DHRSX: variants seen among roughly 807,000 people sequenced by gnomAD.
DHRSX encodes dehydrogenase/reductase X-linked.
DHRSX carries 31 observed loss-of-function variants against 34.0 expected under a neutral mutation model. That is an observed-to-expected ratio of 0.91 (90% confidence interval 0.69 to 1.23). The LOEUF is 1.23. Among genes scored for constraint, DHRSX ranks in the 50% most tolerant of loss-of-function variants. DHRSX has a pLI of 0.00. For synonymous variants in DHRSX, 201 were observed against 183.8 expected, an observed-to-expected ratio of 1.09 and a Z score of -0.76; for missense variants, 414 against 428.1, an observed-to-expected ratio of 0.97 and a Z score of 0.29.
At chrX:2,480,541 G>A (rs1030612434) in intron 1 of DHRSX, among the ~76,000 whole-genome samples, 15 of 151,498 alleles carry the variant, frequency 9.9e-5, no homozygotes, top group Admixed American at 3.3e-4. Context: ...AAATTAGCTG[G>A]GTATGGTAGC....
intron 4 of DHRSX, among the ~76,000 whole-genome samples, chrX:2,268,142 G>A (rs992421392): frequency 6.6e-5 from 10 of 152,168 alleles, no homozygotes; most frequent in East Asian, 5.8e-4. Context: ...TGCTTGACAT[G>A]TTCTATCTAC....
chrX:2,454,148 C>T (rs924277794), intron 1 of DHRSX, among the ~76,000 whole-genome samples: 1 of 152,096 alleles, frequency 6.6e-6, no homozygotes, highest in Non-Finnish European at 1.5e-5. Context: ...AACAGTGTCT[C>T]CTCTTAATTC....
At chrX:2,421,355 G>A (rs2043777113) in intron 2 of DHRSX, among the ~76,000 whole-genome samples, 1 of 152,200 alleles carries the variant, frequency 6.6e-6, no homozygotes, top group South Asian at 2.1e-4. Context: ...ACTCCAGCCT[G>A]GGTGACAGAG....
intron 3 of DHRSX, among the ~76,000 whole-genome samples, chrX:2,342,916 T>C (rs1219628158): frequency 6.6e-6 from 1 of 152,172 alleles, no homozygotes; most frequent in Non-Finnish European, 1.5e-5. Flanking sequence ...AAAATCAATA[T>C]GATAACGGTC....
rs1569478881 is a variant in DHRSX at position 2,243,800 on chromosome X, T to TTTTTTTG, written c.597-571_597-570insCAAAAAA. 4.9e-3 allele frequency among the ~76,000 whole-genome samples: 395 copies of TTTTTTTG among 80,612 alleles called. 5 individuals are homozygous for TTTTTTTG. The highest frequency in any genetic ancestry group is 0.017 in the African/African-American group (383 of 21,904). 52.9% of individuals were successfully genotyped at this position (80,612 alleles called of 152,430 possible). ...CACTATGCTCCCTGTTTTTTTTTTT[T>TTTTTTTG]TTTTTTTTTTTTTTTTTTTTTTGAG... On this transcript the variant is annotated intron_variant, in intron 5 of 6. Transcript: ENST00000334651.
At chrX:2,416,674 T>C (rs1344347311) in intron 2 of DHRSX, among the ~76,000 whole-genome samples, 1 of 152,086 alleles carries the variant, frequency 6.6e-6, no homozygotes, top group Admixed American at 6.6e-5. Context: ...TGACAGTCCA[T>C]TGAGCATTAT....
At chrX:2,246,695 AAAG>A (rs1349579153) in intron 5 of DHRSX, among the ~76,000 whole-genome samples, 16 of 122,346 alleles carry the variant, frequency 1.3e-4, no homozygotes, top group African/African-American at 4.5e-4. Flanking sequence ...AAAGAAAAGA[AAAG>A]AAAGAAAGAG....
chrX:2,491,282 C>T (rs1280838809), intron 1 of DHRSX, among the ~76,000 whole-genome samples: 2 of 152,122 alleles, frequency 1.3e-5, no homozygotes, highest in Non-Finnish European at 2.9e-5. Context: ...GTTGGTCAGG[C>T]TGGTCTCGAA....
intron 1 of DHRSX, chrX:2,489,024 C>T: frequency 6.2e-7 from 1 of 1,612,856 alleles, no homozygotes; most frequent in Non-Finnish European, 8.5e-7. Context: ...ACCACCTGGG[C>T]ATGCCACTCT....
At position 2,492,939 on chromosome X, in the gene DHRSX, C is replaced by T. The variant is rs183015131; in HGVS notation, c.109+7878G>A. 1.1e-3 allele frequency among the ~76,000 whole-genome samples: 164 copies of T among 152,368 alleles called. 1 individual carries two copies. The highest frequency in any genetic ancestry group is 3.8e-3 in the African/African-American group (156 of 41,592). ...ATAATGAGTGGAGGTCTTAGAAAGG[C>T]CCCCCGTCTTCACGGGCAGTCGCGG... On this transcript the variant is annotated intron_variant, in intron 1 of 6. Coordinates refer to ENST00000334651, the MANE Select transcript of DHRSX (RefSeq NM_145177.3).
Position 2,483,612 on chromosome X carries a change from C to T in DHRSX, c.109+17205G>A, listed in dbSNP as rs901400880. On this transcript the variant is annotated intron_variant, in intron 1 of 6. Transcript: ENST00000334651. ...CAGCAATTCTGAGAAGACACAAATG[C>T]CCCCCGGTTCTTTTGTGATAATATT... 4.6e-5 allele frequency among the ~76,000 whole-genome samples: 7 copies of T among 151,994 alleles called. No individual in the cohort carries two copies. In the East Asian group the frequency reaches 7.7e-4, roughly 17 times the overall value.
chrX:2,369,463 G>A (rs1325150397), intron 3 of DHRSX, among the ~76,000 whole-genome samples: 1 of 151,426 alleles, frequency 6.6e-6, no homozygotes, highest in Non-Finnish European at 1.5e-5. Context: ...AGGGGCTAAG[G>A]GACTCTCCTA....
At chrX:2,491,847 T>C (rs1355691444) in intron 1 of DHRSX, among the ~76,000 whole-genome samples, 1 of 152,146 alleles carries the variant, frequency 6.6e-6, no homozygotes, top group Admixed American at 6.5e-5. Flanking sequence ...TGTGGAGGCT[T>C]AGATGACCCA....
chrX:2,407,940 T>A (rs1409903813), intron 3 of DHRSX, among the ~76,000 whole-genome samples: 1 of 151,942 alleles, frequency 6.6e-6, no homozygotes, highest in Non-Finnish European at 1.5e-5. Flanking sequence ...AAATGAAAAA[T>A]AAAATAATAA....
intron 1 of DHRSX, among the ~76,000 whole-genome samples, chrX:2,481,991 C>T (rs1044141267): frequency 6.6e-6 from 1 of 151,824 alleles, no homozygotes; most frequent in Non-Finnish European, 1.5e-5. Context: ...TTGAGACAGT[C>T]GCCCAGGCTA....
At chrX:2,265,395 A>G (rs1160833419) in intron 5 of DHRSX, among the ~76,000 whole-genome samples, 10 of 128,742 alleles carry the variant, frequency 7.8e-5, no homozygotes, top group Non-Finnish European at 1.2e-4. Flanking sequence ...CCAGAGCACC[A>G]GTGTACAGCA....
At chrX:2,469,191 G>A (rs1214247976) in intron 1 of DHRSX, among the ~76,000 whole-genome samples, 1 of 150,584 alleles carries the variant, frequency 6.6e-6, no homozygotes, top group Non-Finnish European at 1.5e-5. Flanking sequence ...TGCAGCCAAG[G>A]GACGGCACTG....
chrX:2,483,614 C>G (rs2044807815), intron 1 of DHRSX, among the ~76,000 whole-genome samples: 1 of 151,892 alleles, frequency 6.6e-6, no homozygotes, highest in African/African-American at 2.4e-5. Context: ...CACAAATGCC[C>G]CCCGGTTCTT....
At chrX:2,299,722 G>A (rs1230274882) in intron 3 of DHRSX, among the ~76,000 whole-genome samples, 2 of 151,970 alleles carry the variant, frequency 1.3e-5, no homozygotes, top group African/African-American at 2.4e-5. Context: ...AGGTGTGGTG[G>A]TGCACGCCTG....
Sources: gnomAD v4.1 joint callset for allele counts (sites outside exome capture counted in the v4.1 genomes callset) on GRCh38, gnomAD v4.1.1 for gene constraint, MANE v1.5 for transcripts, NCBI Gene and HGNC (gene_info 2026-07-23, HGNC 2026-07-21) for gene names.